SHCBP1: variants seen among roughly 807,000 people sequenced by gnomAD.
The protein encoded by SHCBP1 is SHC binding and spindle associated 1.
Under a neutral mutation model 75.1 loss-of-function variants are expected in SHCBP1, and 60 were observed. That is an observed-to-expected ratio of 0.80 (90% CI 0.65 to 0.99). The LOEUF is 0.99. Ranked by LOEUF, SHCBP1 falls within the 50% of genes least tolerant of loss-of-function variation. The pLI, the probability that SHCBP1 is intolerant of heterozygous loss-of-function variation, is 0.00. For synonymous variants in SHCBP1, 290 were observed against 293.2 expected, an observed-to-expected ratio of 0.99 and a Z score of 0.11; for missense variants, 709 against 809.4, an observed-to-expected ratio of 0.88 and a Z score of 1.50.
chr16:46,581,453 C>A lies in SHCBP1; in HGVS notation c.*276G>T. 5.5e-6 allele frequency: 2 copies of A among 362,250 alleles called. No homozygotes were observed. The highest frequency in any genetic ancestry group is 1.0e-5 in the Non-Finnish European group (2 of 199,792). The allele number at this position is 362,250 out of a possible 1,614,324, so 22.4% of individuals were successfully genotyped here. The stretch of plus-strand genomic sequence containing the variant: ...GGTAATTACACTAAAAAGTTACTAC[C>A]AGGCTTAATATGAGAGAACCATGTG... On this transcript the variant is annotated 3_prime_UTR_variant, in exon 13 of 13. Transcript: ENST00000303383.
chr16:46,581,492 G>C lies in SHCBP1; in HGVS notation c.*237C>G. 1 of 473,498 alleles carries C rather than the reference G, an allele frequency of 2.1e-6. No individual in the cohort carries two copies. The highest frequency in any genetic ancestry group is 2.0e-5 in the African/African-American group (1 of 50,876). 29.3% of individuals were successfully genotyped at this position (473,498 alleles called of 1,614,324 possible). On this transcript the variant is annotated 3_prime_UTR_variant, in exon 13 of 13. Transcript: ENST00000303383. ...GAGAACCATGTGTATAAGAAAGCAA[G>C]ACTTTCAGATAAGCAATCTCCAAAT...
intron 10 of SHCBP1, 131 bp downstream of exon 10, chr16:46,595,421 G>A: frequency 1.3e-6 from 1 of 772,542 alleles, no homozygotes; most frequent in Non-Finnish European, 2.3e-6. Context: ...GCACAGTTGA[G>A]TTTGACTGAC....
chr16:46,597,382 G>C (rs1047847854), intron 9 of SHCBP1, among the ~76,000 whole-genome samples: 2 of 152,134 alleles, frequency 1.3e-5, no homozygotes, highest in African/African-American at 4.8e-5. Flanking sequence ...CTCTAGCCTA[G>C]ATGACAGTGA....
At chr16:46,595,764 T>C in intron 9 of SHCBP1, 94 bp from the exon 10 acceptor site, 1 of 720,500 alleles carries the variant, frequency 1.4e-6, no homozygotes, top group Non-Finnish European at 2.3e-6. Context: ...ATGGTCTAAA[T>C]ATTTCTCAAT....
At chr16:46,621,024 G>A (rs1277305319) in intron 1 of SHCBP1, 1 of 437,128 alleles carries the variant, frequency 2.3e-6, no homozygotes, top group Non-Finnish European at 4.0e-6. Context: ...GCGGGCGGAG[G>A]CCAGAGAGTG....
chr16:46,584,299 CCACACACACACA>C (rs71158873), intron 10 of SHCBP1: 27 of 249,714 alleles, frequency 1.1e-4, no homozygotes, highest in East Asian at 2.1e-4. Flanking sequence ...ATTTTCAAAA[CCACACACACACA>C]CACACACACA....
chr16:46,588,902 C>T (rs1363432196), intron 10 of SHCBP1, among the ~76,000 whole-genome samples: 1 of 152,180 alleles, frequency 6.6e-6, no homozygotes, highest in Non-Finnish European at 1.5e-5. Context: ...GCCTGATGAA[C>T]ATCGATGCAA....
Position 46,579,538 on chromosome 16 carries a change from T to C in SHCBP1, c.*2191A>G, listed in dbSNP as rs1205879970. Reference sequence around the variant, plus strand: ...AAACCAAGATAAAGTAGAAATTCAATTGAAAAATCAATGTGATTTGGGAGG... The same window carrying C: ...AAACCAAGATAAAGTAGAAATTCAACTGAAAAATCAATGTGATTTGGGAGG... On this transcript the variant is annotated 3_prime_UTR_variant, in exon 13 of 13. Transcript: ENST00000303383. Among the ~76,000 whole-genome samples, 1 of 152,158 alleles carries C rather than the reference T, an allele frequency of 6.6e-6. No homozygotes were observed. Among genetic ancestry groups the C allele is most frequent in the Non-Finnish European group, 1.5e-5 (1 of 68,024 alleles).
chr16:46,612,486 G>A (rs1364165976), intron 4 of SHCBP1, among the ~76,000 whole-genome samples: 2 of 152,060 alleles, frequency 1.3e-5, no homozygotes, highest in African/African-American at 4.8e-5. Context: ...TGTTGTTGTT[G>A]TTGTAATGAA....
chr16:46,592,411 T>C (rs953694252), intron 10 of SHCBP1, among the ~76,000 whole-genome samples: 1 of 152,142 alleles, frequency 6.6e-6, no homozygotes, highest in Non-Finnish European at 1.5e-5. Flanking sequence ...ATGAAATAGG[T>C]CATTTGAATA....
Position 46,604,109 on chromosome 16 carries a change from G to A in SHCBP1, c.958C>T (p.Gln320Ter). ...CCGCTGGAACGGACACCCTTTGCTT[G>A]GATGTTAGAATTCTTCTGATAACCA... is the stretch of plus-strand genomic sequence containing the variant. ...VFGYQKNSNI[Q>*]AKGVRSSGQK... Residue 320 changes from glutamine to a stop codon, truncating the protein, a stop_gained, in exon 7 of 13, where the codon CAA becomes TAA. Coordinates refer to ENST00000303383, the MANE Select transcript of SHCBP1 (RefSeq NM_024745.5). LOFTEE classifies it high-confidence loss of function. The A allele has an allele frequency of 6.2e-7, 1 of 1,614,116 alleles. No homozygotes were observed. Among genetic ancestry groups the A allele is most frequent in the Middle Eastern group, 1.6e-4 (1 of 6,062 alleles).
chr16:46,618,117 G>C (rs1965530497), intron 2 of SHCBP1, 88 bp downstream of exon 2: 2 of 1,306,302 alleles, frequency 1.5e-6, no homozygotes, highest in South Asian at 1.6e-5. Context: ...CGGAGGTTGC[G>C]GTGAGCCGAG....
chr16:46,603,878 T>C (rs772290100), intron 7 of SHCBP1, 97 bp downstream of exon 7: 3 of 1,473,302 alleles, frequency 2.0e-6, no homozygotes, highest in Non-Finnish European at 1.8e-6. Context: ...GAAAACCGTC[T>C]TGGGAAAGCT....
intron 4 of SHCBP1, 81 bp downstream of exon 4, chr16:46,615,851 TGAGTTTTAAATCTG>T (rs1965487866): frequency 3.3e-5 from 36 of 1,079,522 alleles, no homozygotes; most frequent in Non-Finnish European, 4.8e-5. Context: ...AGTTTACAGT[TGAGTTTTAAATCTG>T]GGTCTAACAC....
intron 10 of SHCBP1, among the ~76,000 whole-genome samples, chr16:46,587,607 G>A (rs983469240): frequency 1.3e-5 from 2 of 151,714 alleles, no homozygotes; most frequent in Non-Finnish European, 2.9e-5. Flanking sequence ...ATATATGGGT[G>A]CATATAACTA....
Position 46,591,698 on chromosome 16 carries a change from TAC to T in SHCBP1, c.1464+3852_1464+3853del, listed in dbSNP as rs1216582362. On this transcript the variant is annotated intron_variant, in intron 10 of 12. Coordinates refer to ENST00000303383, the MANE Select transcript of SHCBP1 (RefSeq NM_024745.5). ...AATATACCACCCAATGACAGCGGAA[TAC>T]ACATTCTTTTCATTTGCTCACAGAA... is the stretch of plus-strand genomic sequence containing the variant. Among the ~76,000 whole-genome samples, 7 of 152,270 alleles carry T rather than the reference TAC, an allele frequency of 4.6e-5. No homozygotes were observed. In the East Asian group the frequency reaches 1.2e-3, roughly 25 times the overall value.
chr16:46,586,051 A>G (rs1226627672), intron 10 of SHCBP1, among the ~76,000 whole-genome samples: 2 of 152,194 alleles, frequency 1.3e-5, no homozygotes. Flanking sequence ...ACAACATAAT[A>G]TAAAAATATC....
intron 10 of SHCBP1, chr16:46,584,299 C>CCA (rs71158873): frequency 1.3e-4 from 32 of 249,798 alleles, no homozygotes; most frequent in African/African-American, 6.4e-4. Flanking sequence ...ATTTTCAAAA[C>CCA]CACACACACA....
rs114315206 is a variant in SHCBP1 at position 46,607,269 on chromosome 16, C to A, written c.689+1028G>T. On this transcript the variant is annotated intron_variant, in intron 5 of 12. Transcript: ENST00000303383. ...AGTCAGGAGGCTGAGGTGGGAGGGA[C>A]ACTTGAGCCCAGGAGATTGAGGCTG... 7.8e-3 allele frequency among the ~76,000 whole-genome samples: 1,186 copies of A among 152,202 alleles called. 17 individuals carry two copies. Among genetic ancestry groups the A allele is most frequent in the African/African-American group, 0.027 (1,124 of 41,530 alleles).
Sources: gnomAD v4.1 joint callset for allele counts (sites outside exome capture counted in the v4.1 genomes callset) on GRCh38, gnomAD v4.1.1 for gene constraint, MANE v1.5 for transcripts, NCBI Gene and HGNC (gene_info 2026-07-23, HGNC 2026-07-21) for gene names.